The following FRMD6 variants were observed in gnomAD, a reference collection of about 807,000 sequenced individuals.
FRMD6 encodes FERM domain containing 6.
FRMD6 carries 37 observed loss-of-function variants against 73.2 expected under a neutral mutation model. That is an observed-to-expected ratio of 0.51 (90% confidence interval 0.39 to 0.66). The LOEUF (loss-of-function observed/expected upper bound fraction) is 0.66. Among genes scored for constraint, FRMD6 ranks in the 30% least tolerant of loss-of-function variants. The pLI is 0.00. For missense variants in FRMD6, 714 were observed against 780.5 expected (o/e 0.91, Z 1.02); for synonymous variants, 273 against 282.2 (o/e 0.97, Z 0.33).
chr14:51,410,092 G>A, the FRMD6 span, among the ~76,000 whole-genome samples: 24 of 152,128 alleles, frequency 1.6e-4, no homozygotes, highest in Non-Finnish European at 3.1e-4. Context: ...GTACAAATTA[G>A]TTTCAGATCT....
At chr14:51,408,981 G>A in the FRMD6 span, among the ~76,000 whole-genome samples, 782 of 152,272 alleles carry the variant, frequency 5.1e-3, 3 homozygotes, top group African/African-American at 0.018. Flanking sequence ...CCTAGGTAGC[G>A]TGAAGGTATA....
intron 1 of FRMD6, among the ~76,000 whole-genome samples, chr14:51,561,418 A>G (rs996721870): frequency 4.6e-5 from 7 of 152,180 alleles, no homozygotes; most frequent in Admixed American, 6.5e-5. Flanking sequence ...TTTGTACTGC[A>G]GCCTGCTGTG....
At chr14:51,535,498 T>G (rs773774450) in intron 1 of FRMD6, among the ~76,000 whole-genome samples, 1 of 152,244 alleles carries the variant, frequency 6.6e-6, no homozygotes, top group Non-Finnish European at 1.5e-5. Context: ...TGAGACTGGC[T>G]TCTTTCACTT....
At chr14:51,662,853 C>T (rs1365195807) in intron 1 of FRMD6, among the ~76,000 whole-genome samples, 1 of 152,002 alleles carries the variant, frequency 6.6e-6, no homozygotes, top group East Asian at 1.9e-4. Flanking sequence ...AGACAACCTA[C>T]AGAATGGAAG....
At chr14:51,509,355 G>A (rs931803255) in intron 1 of FRMD6, among the ~76,000 whole-genome samples, 1 of 151,854 alleles carries the variant, frequency 6.6e-6, no homozygotes, top group Non-Finnish European at 1.5e-5. Flanking sequence ...AACCCCATCT[G>A]TACTAAAAAA....
chr14:51,453,149 TA>T, the FRMD6 span, among the ~76,000 whole-genome samples: 224 of 147,892 alleles, frequency 1.5e-3, 2 homozygotes, highest in African/African-American at 1.0e-3. Context: ...GAAAAGCTGG[TA>T]AAAAAAAAAA....
the FRMD6 span, among the ~76,000 whole-genome samples, chr14:51,417,171 A>G: frequency 2.6e-5 from 4 of 152,124 alleles, no homozygotes; most frequent in African/African-American, 9.7e-5. Context: ...TAATATGGTT[A>G]TGTGTGAATT....
chr14:51,718,304 C>T (rs893667194), intron 10 of FRMD6, among the ~76,000 whole-genome samples: 6 of 152,010 alleles, frequency 3.9e-5, no homozygotes, highest in African/African-American at 9.7e-5. Context: ...CTTGTCTTCT[C>T]GTGAGCATAC....
chr14:51,671,044 G>A (rs571485382), intron 1 of FRMD6, among the ~76,000 whole-genome samples: 1 of 152,288 alleles, frequency 6.6e-6, no homozygotes, highest in Admixed American at 6.5e-5. Flanking sequence ...ATCTTTTGTG[G>A]TGAGTAACAT....
chr14:51,708,349 C>T, intron 7 of FRMD6, 116 bp downstream of exon 7: 2 of 1,026,214 alleles, frequency 1.9e-6, no homozygotes, highest in South Asian at 3.4e-5. Context: ...TTTTTACATG[C>T]TTTTAAAAGA....
intron 1 of FRMD6, among the ~76,000 whole-genome samples, chr14:51,684,646 A>T (rs1895028527): frequency 6.6e-6 from 1 of 152,160 alleles, no homozygotes; most frequent in Non-Finnish European, 1.5e-5. Context: ...GTTACAACTG[A>T]TGGGAGAGGG....
At chr14:51,582,945 A>G (rs1022695201) in intron 2 of FRMD6, among the ~76,000 whole-genome samples, 1 of 152,246 alleles carries the variant, frequency 6.6e-6, no homozygotes, top group Non-Finnish European at 1.5e-5. Flanking sequence ...TGATGAAATA[A>G]GAATATTTTA....
At chr14:51,509,417 C>G (rs1370448587) in intron 1 of FRMD6, among the ~76,000 whole-genome samples, 1 of 151,986 alleles carries the variant, frequency 6.6e-6, no homozygotes, top group Admixed American at 6.5e-5. Context: ...GTCCCAGCTA[C>G]TCGGGAGGCT....
the FRMD6 span, among the ~76,000 whole-genome samples, chr14:51,423,002 T>G: frequency 6.6e-6 from 1 of 152,222 alleles, no homozygotes; most frequent in Non-Finnish European, 1.5e-5. Context: ...ATCTTTCCTT[T>G]TCCACCACCA....
At chr14:51,561,494 T>C (rs1469950977) in intron 1 of FRMD6, among the ~76,000 whole-genome samples, 3 of 152,210 alleles carry the variant, frequency 2.0e-5, no homozygotes, top group Non-Finnish European at 4.4e-5. Flanking sequence ...GTATCTTCTC[T>C]AGACAACAGA....
intron 1 of FRMD6, among the ~76,000 whole-genome samples, chr14:51,658,654 G>A (rs1406875721): frequency 6.6e-6 from 1 of 152,136 alleles, no homozygotes; most frequent in East Asian, 1.9e-4. Flanking sequence ...GAGAGCAGCA[G>A]TGAAATTCTG....
upstream of FRMD6, chr14:51,488,999 G>A (rs562779121): frequency 2.0e-5 from 3 of 152,324 alleles, no homozygotes; most frequent in South Asian, 2.1e-4. Flanking sequence ...AGACAGGTAC[G>A]GGCATGCATC....
the FRMD6 span, among the ~76,000 whole-genome samples, chr14:51,459,884 CTTTTTTTT>C: frequency 0.22 from 16,261 of 75,062 alleles, 1,923 homozygotes; most frequent in South Asian, 0.27. Flanking sequence ...TACTGACTCT[CTTTTTTTT>C]TTTTTTTTTT....
intron 1 of FRMD6, among the ~76,000 whole-genome samples, chr14:51,683,704 T>C (rs1894966187): frequency 6.6e-6 from 1 of 152,150 alleles, no homozygotes; most frequent in Admixed American, 6.6e-5. Context: ...ACTACAGATG[T>C]TACAGATGAA....
Sources: gnomAD v4.1 joint callset for allele counts (sites outside exome capture counted in the v4.1 genomes callset) on GRCh38, gnomAD v4.1.1 for gene constraint, MANE v1.5 for transcripts, NCBI Gene and HGNC (gene_info 2026-07-23, HGNC 2026-07-21) for gene names.